The following CAMTA1 variants were observed in gnomAD, a reference collection of about 807,000 sequenced individuals.
The protein encoded by CAMTA1 is calmodulin binding transcription activator 1.
In CAMTA1, 27 loss-of-function variants were observed where a neutral mutation model predicts 170.9. The ratio of observed to expected loss-of-function variants is 0.16; its 90% CI spans 0.12 to 0.22. The LOEUF (loss-of-function observed/expected upper bound fraction) is 0.22. Among genes scored for constraint, CAMTA1 ranks in the 10% least tolerant of loss-of-function variants. The pLI, the probability that CAMTA1 is intolerant of heterozygous loss-of-function variation, is 1.00. For synonymous variants in CAMTA1, 833 were observed against 891.5 expected (o/e 0.93, Z 1.17); for missense variants, 1,619 against 2,217.2 (o/e 0.73, Z 5.42).
chr1:6,787,340 C>G (rs529690964), intron 1 of CAMTA1, among the ~76,000 whole-genome samples: 5 of 152,276 alleles, frequency 3.3e-5, no homozygotes, highest in South Asian at 2.1e-4. Context: ...CTGGTGTTGT[C>G]TCTTGTGGGA....
intron 6 of CAMTA1, among the ~76,000 whole-genome samples, chr1:7,484,416 C>T (rs1316640530): frequency 6.6e-6 from 1 of 152,220 alleles, no homozygotes; most frequent in Non-Finnish European, 1.5e-5. Flanking sequence ...GGCTAATTAA[C>T]CCAAAACCAG....
chr1:7,185,900 C>T (rs931216820), intron 4 of CAMTA1, among the ~76,000 whole-genome samples: 2 of 152,152 alleles, frequency 1.3e-5, no homozygotes, highest in African/African-American at 2.4e-5. Context: ...ACTGGATGTT[C>T]GCGTAATGCT....
At chr1:7,569,278 T>TAC (rs2095094196) in intron 6 of CAMTA1, among the ~76,000 whole-genome samples, 2 of 139,408 alleles carry the variant, frequency 1.4e-5, no homozygotes, top group Admixed American at 6.9e-5. Context: ...CATCATCACA[T>TAC]CACCATCACC....
intron 3 of CAMTA1, among the ~76,000 whole-genome samples, chr1:7,075,342 G>C (rs1037389827): frequency 2.6e-5 from 4 of 152,130 alleles, no homozygotes; most frequent in Non-Finnish European, 5.9e-5. Context: ...ATAATATCTG[G>C]ACAGAAGTTT....
At chr1:7,668,431 A>ACC (rs1167418145) in intron 9 of CAMTA1, among the ~76,000 whole-genome samples, 15 of 123,200 alleles carry the variant, frequency 1.2e-4, no homozygotes, top group East Asian at 7.7e-4. Flanking sequence ...ACACACACAC[A>ACC]CCCACCACAC....
chr1:7,235,028 C>T (rs778934352), intron 4 of CAMTA1, among the ~76,000 whole-genome samples: 10 of 152,036 alleles, frequency 6.6e-5, no homozygotes, highest in Non-Finnish European at 1.3e-4. Flanking sequence ...CTCAGGTGAT[C>T]CTCCTGCCTC....
intron 6 of CAMTA1, among the ~76,000 whole-genome samples, chr1:7,512,912 C>A (rs1231733870): frequency 6.6e-6 from 1 of 152,108 alleles, no homozygotes; most frequent in Non-Finnish European, 1.5e-5. Context: ...TGGAAGTGAG[C>A]AGAGGCTGCA....
rs905380682 is a variant in CAMTA1, at chr1:7,248,504, G to T, written c.303-987G>T. 6.6e-6 allele frequency among the ~76,000 whole-genome samples: 1 copy of T among 152,186 alleles called. No homozygotes were observed. The highest frequency in any genetic ancestry group is 1.5e-5 in the Non-Finnish European group (1 of 68,028). On this transcript the variant is annotated intron_variant, in intron 4 of 22. Transcript: ENST00000303635. The surrounding 1 kb of genome is among the most constrained non-coding windows in gnomAD (Gnocchi z 4.0). ...GCAGAGTGGTGCAGCACTGCGTGGG[G>T]TGCTGCTAGATTTTGGGGGAGTCTT... is the stretch of plus-strand genomic sequence containing the variant.
At chr1:7,259,175 C>T (rs1344176333) in intron 5 of CAMTA1, among the ~76,000 whole-genome samples, 8 of 152,174 alleles carry the variant, frequency 5.3e-5, no homozygotes, top group Admixed American at 5.2e-4. Context: ...GATGCCCTCC[C>T]TCACTGCAAG....
At chr1:7,649,767 TC>T (rs1201403099) in intron 7 of CAMTA1, among the ~76,000 whole-genome samples, 4 of 152,252 alleles carry the variant, frequency 2.6e-5, no homozygotes, top group African/African-American at 9.6e-5. Flanking sequence ...TGACAGGAGA[TC>T]CCCCTTTTGT....
At chr1:6,981,458 G>C (rs767104922) in intron 3 of CAMTA1, among the ~76,000 whole-genome samples, 3 of 151,402 alleles carry the variant, frequency 2.0e-5, no homozygotes, top group Non-Finnish European at 4.4e-5. Flanking sequence ...TTTGAGGCAG[G>C]GTCTCACTCT....
At chr1:7,605,719 G>T (rs970688496) in intron 6 of CAMTA1, among the ~76,000 whole-genome samples, 2 of 152,198 alleles carry the variant, frequency 1.3e-5, no homozygotes, top group African/African-American at 2.4e-5. Flanking sequence ...ACTCCCTAGT[G>T]AGATGAACCC....
At chr1:7,423,428 C>T (rs986377682) in intron 5 of CAMTA1, among the ~76,000 whole-genome samples, 2 of 147,904 alleles carry the variant, frequency 1.4e-5, no homozygotes, top group African/African-American at 2.5e-5. Context: ...AAGATTGTGC[C>T]ACTGCACTCC....
intron 5 of CAMTA1, among the ~76,000 whole-genome samples, chr1:7,329,607 C>A (rs1294777917): frequency 1.3e-5 from 2 of 152,190 alleles, no homozygotes; most frequent in African/African-American, 4.8e-5. Context: ...AGGTCCATTT[C>A]TCCCTGAAAG....
rs74051093 is a variant in CAMTA1 at position 7,043,052 on chromosome 1, G to A, written c.235-48252G>A. On this transcript the variant is annotated intron_variant, in intron 3 of 22. Transcript: ENST00000303635. ...GCAGTGTGCTCTGGGGCATGGACACGCAGCCCCAGCTTTCTCACTTGTGGA... is the reference window on the plus strand; with the variant it reads ...GCAGTGTGCTCTGGGGCATGGACACACAGCCCCAGCTTTCTCACTTGTGGA... Among the ~76,000 whole-genome samples the A allele has an allele frequency of 6.1e-3, 927 of 152,300 alleles. 7 individuals carry two copies. The highest frequency in any genetic ancestry group is 0.02 in the African/African-American group (843 of 41,568).
intron 12 of CAMTA1, among the ~76,000 whole-genome samples, chr1:7,733,614 C>G (rs1468516165): frequency 6.6e-6 from 1 of 151,932 alleles, no homozygotes; most frequent in Non-Finnish European, 1.5e-5. Context: ...TCAGGGGACC[C>G]TAGAGATAAA....
At chr1:7,606,520 C>T (rs534807896) in intron 6 of CAMTA1, among the ~76,000 whole-genome samples, 67 of 152,280 alleles carry the variant, frequency 4.4e-4, no homozygotes, top group African/African-American at 1.6e-3. Context: ...GAACAATTAC[C>T]GCCAGCATGC....
chr1:7,488,540 ACACATACATCTGTACACATGCATG>A (rs957533801), intron 6 of CAMTA1, among the ~76,000 whole-genome samples: 2 of 152,114 alleles, frequency 1.3e-5, no homozygotes, highest in Non-Finnish European at 2.9e-5. Context: ...ACACATGCAC[ACACATACATCTGTACACATGCATG>A]CACATACATC....
intron 5 of CAMTA1, among the ~76,000 whole-genome samples, chr1:7,419,425 G>A (rs2091414900): frequency 6.6e-6 from 1 of 152,152 alleles, no homozygotes; most frequent in Admixed American, 6.5e-5. Flanking sequence ...CCAAAGTGCT[G>A]GGATTACAGG....
Sources: gnomAD v4.1 joint callset for allele counts (sites outside exome capture counted in the v4.1 genomes callset) on GRCh38, gnomAD v4.1.1 for gene constraint, Gnocchi (gnomAD v3.1) non-coding constraint, MANE v1.5 for transcripts, NCBI Gene and HGNC (gene_info 2026-07-23, HGNC 2026-07-21) for gene names.